TSHZ2: variants seen among roughly 807,000 people sequenced by gnomAD.
TSHZ2 encodes teashirt zinc finger homeobox 2, also known as teashirt homolog 2.
In TSHZ2, 21 loss-of-function variants were observed where a neutral mutation model predicts 74.4. The ratio of observed to expected loss-of-function variants is 0.28; its 90% CI spans 0.20 to 0.41. The LOEUF is 0.41. TSHZ2 is among the 10% of genes least tolerant of loss of function. The probability of loss-of-function intolerance (pLI) is 1.00; values close to 1 mark genes in which losing one functional copy is unlikely to be tolerated. For synonymous variants in TSHZ2, 540 were observed against 515.3 expected, an observed-to-expected ratio of 1.05 and a Z score of -0.65; for missense variants, 1,244 against 1,293.5, an observed-to-expected ratio of 0.96 and a Z score of 0.59.
intron 2 of TSHZ2, among the ~76,000 whole-genome samples, chr20:53,293,947 C>T (rs1991329320): frequency 6.6e-6 from 1 of 151,834 alleles, no homozygotes; most frequent in Non-Finnish European, 1.5e-5. Context: ...AAAAGGGAGT[C>T]GGAGGTTGCA....
intron 2 of TSHZ2, among the ~76,000 whole-genome samples, chr20:53,413,612 C>T (rs1288742394): frequency 6.6e-6 from 1 of 152,168 alleles, no homozygotes; most frequent in African/African-American, 2.4e-5. Context: ...GGGTAAAGCA[C>T]TTAGAGAATG....
intron 1 of TSHZ2, among the ~76,000 whole-genome samples, chr20:52,997,301 G>C (rs1416205685): frequency 2.2e-5 from 3 of 137,992 alleles, no homozygotes; most frequent in Non-Finnish European, 4.9e-5. Flanking sequence ...GTTTCTCGAT[G>C]CTCATCTCTA....
chr20:53,121,863 C>G (rs1313091408), intron 1 of TSHZ2, among the ~76,000 whole-genome samples: 2 of 152,014 alleles, frequency 1.3e-5, no homozygotes, highest in Non-Finnish European at 1.5e-5. Context: ...TGTCCCTCCT[C>G]TCTCCCTCCC....
At chr20:53,127,546 A>T (rs1986980675) in intron 1 of TSHZ2, among the ~76,000 whole-genome samples, 1 of 152,142 alleles carries the variant, frequency 6.6e-6, no homozygotes, top group Admixed American at 6.5e-5. Flanking sequence ...TCTCCAAAAA[A>T]ACTTTTTTTA....
intron 1 of TSHZ2, among the ~76,000 whole-genome samples, chr20:52,988,418 A>G (rs896358448): frequency 2.0e-5 from 3 of 152,202 alleles, no homozygotes; most frequent in Non-Finnish European, 4.4e-5. Context: ...AGGCCCACCT[A>G]TCAGAGTCCA....
intron 2 of TSHZ2, among the ~76,000 whole-genome samples, chr20:53,409,137 A>G (rs1982952689): frequency 6.6e-6 from 1 of 152,222 alleles, no homozygotes; most frequent in Non-Finnish European, 1.5e-5. Flanking sequence ...GCCAAACGCT[A>G]TAACAGAAGG....
At chr20:53,422,385 C>T (rs1191769657) in intron 2 of TSHZ2, among the ~76,000 whole-genome samples, 2 of 152,090 alleles carry the variant, frequency 1.3e-5, no homozygotes, top group South Asian at 2.1e-4. Flanking sequence ...ATTAGGAGGG[C>T]ACTAAGATGA....
At chr20:53,006,009 C>A (rs933330550) in intron 1 of TSHZ2, among the ~76,000 whole-genome samples, 11 of 152,132 alleles carry the variant, frequency 7.2e-5, no homozygotes, top group African/African-American at 2.7e-4. Flanking sequence ...TCATTCTTTT[C>A]TTTTTTGTGA....
rs1986545476 is a variant in TSHZ2, at chr20:53,494,942, A to G, written c.*7807A>G. 6.6e-6 allele frequency: 1 copy of G among 152,120 alleles called. No individual in the cohort carries two copies. The highest frequency in any genetic ancestry group is 1.5e-5 in the Non-Finnish European group (1 of 68,032). 9.4% of individuals were successfully genotyped at this position (152,120 alleles called of 1,614,324 possible). A position where few individuals can be genotyped will look rare whatever the true frequency, so the allele number is the denominator to read the frequency against. ...TGCATCAGGAAACCCAACTGCTGAC[A>G]TTGAGGACCTGGGTGTGTTCAATTA... On this transcript the variant is annotated 3_prime_UTR_variant, in exon 3 of 3. Transcript: ENST00000371497.
chr20:53,485,405 A>G (rs1179532004), intron 2 of TSHZ2, among the ~76,000 whole-genome samples: 1 of 152,134 alleles, frequency 6.6e-6, no homozygotes, highest in African/African-American at 2.4e-5. Context: ...TAACTATGTA[A>G]ACCTAACGAA....
chr20:53,105,589 T>C (rs1005947116), intron 1 of TSHZ2, among the ~76,000 whole-genome samples: 5 of 152,198 alleles, frequency 3.3e-5, no homozygotes, highest in Admixed American at 2.0e-4. Context: ...CATTCACTGA[T>C]ACCAATCCCA....
chr20:53,147,402 A>G (rs1987568259), intron 1 of TSHZ2, among the ~76,000 whole-genome samples: 1 of 152,222 alleles, frequency 6.6e-6, no homozygotes, highest in African/African-American at 2.4e-5. Flanking sequence ...TTGTGCTATC[A>G]TCTACAAAAA....
rs185288704 is a variant in TSHZ2 at position 53,010,626 on chromosome 20, C to T, written c.40+37293C>T. Among the ~76,000 whole-genome samples the T allele has an allele frequency of 3.4e-4, 52 of 152,140 alleles. No homozygotes were observed. The South Asian group carries it at 5.8e-3, about 17-fold the overall frequency. ...TGCTGATATGCTGAGTTATGACAAA[C>T]TGAGACACATGTCATGAGAGGAAAA... On this transcript the variant is annotated intron_variant, in intron 1 of 2. Coordinates refer to ENST00000371497, the MANE Select transcript of TSHZ2 (RefSeq NM_173485.6).
chr20:53,209,221 G>A (rs1384643919), intron 1 of TSHZ2, among the ~76,000 whole-genome samples: 1 of 152,124 alleles, frequency 6.6e-6, no homozygotes, highest in Non-Finnish European at 1.5e-5. Flanking sequence ...CTGAGTAGCT[G>A]GGATTACAGG....
intron 2 of TSHZ2, among the ~76,000 whole-genome samples, chr20:53,473,316 G>C (rs888425419): frequency 2.1e-5 from 3 of 143,194 alleles, no homozygotes; most frequent in Admixed American, 6.9e-5. Context: ...ATCTGAGAAC[G>C]GGCAGACTGC....
chr20:53,474,523 A>G (rs1985932366), intron 2 of TSHZ2, among the ~76,000 whole-genome samples: 3 of 117,388 alleles, frequency 2.6e-5, no homozygotes, highest in African/African-American at 3.5e-5. Flanking sequence ...AACATGGAAA[A>G]GAACAACCGG....
At chr20:53,348,615 G>C (rs371371583) in intron 2 of TSHZ2, among the ~76,000 whole-genome samples, 1 of 152,162 alleles carries the variant, frequency 6.6e-6, no homozygotes, top group East Asian at 1.9e-4. Context: ...TTTGGAGGCG[G>C]GGAGGATCGC....
chr20:53,087,024 T>C (rs1024450251), intron 1 of TSHZ2, among the ~76,000 whole-genome samples: 2 of 152,122 alleles, frequency 1.3e-5, no homozygotes, highest in Non-Finnish European at 2.9e-5. Flanking sequence ...CAAGCATGGC[T>C]CTGCGGAGAA....
At chr20:53,438,547 G>A (rs1984184873) in intron 2 of TSHZ2, among the ~76,000 whole-genome samples, 1 of 152,212 alleles carries the variant, frequency 6.6e-6, no homozygotes, top group African/African-American at 2.4e-5. Context: ...GTGGCTAGGA[G>A]AATAGAACAT....
Sources: gnomAD v4.1 joint callset for allele counts (sites outside exome capture counted in the v4.1 genomes callset) on GRCh38, gnomAD v4.1.1 for gene constraint, MANE v1.5 for transcripts, NCBI Gene and HGNC (gene_info 2026-07-23, HGNC 2026-07-21) for gene names.